Variants in VWA3B observed in about 807,000 individuals in gnomAD.
VWA3B encodes the protein von Willebrand factor A domain containing 3B.
A neutral mutation model predicts 158.3 loss-of-function variants in VWA3B; 138 were observed. The ratio of observed to expected loss-of-function variants is 0.87; its 90% CI spans 0.76 to 1.00. The LOEUF is 1.00. VWA3B is among the 50% of genes least tolerant of loss of function. VWA3B has a pLI of 0.00. For synonymous variants in VWA3B, 596 were observed against 587.3 expected (o/e 1.01, Z -0.21); for missense variants, 1,555 against 1,565.1 (o/e 0.99, Z 0.11).
chr2:98,309,948 C>G (rs1226174170), intron 26 of VWA3B, among the ~76,000 whole-genome samples: 1 of 152,144 alleles, frequency 6.6e-6, no homozygotes, highest in East Asian at 1.9e-4. Context: ...TAGAAGGACA[C>G]GTGCCGTTGC....
intron 10 of VWA3B, 93 bp from the exon 11 acceptor site, chr2:98,192,805 C>T (rs1394978391): frequency 1.9e-6 from 3 of 1,546,084 alleles, no homozygotes; most frequent in Non-Finnish European, 1.8e-6. Context: ...TAGCGCAGCT[C>T]TGTCCTCTGC....
chr2:98,261,494 G>A (rs554585743), intron 21 of VWA3B, among the ~76,000 whole-genome samples: 1 of 151,830 alleles, frequency 6.6e-6, no homozygotes, highest in South Asian at 2.1e-4. Context: ...ATCTTTACTA[G>A]TACTATTTAT....
chr2:98,236,887 T>C, intron 19 of VWA3B, 157 bp downstream of exon 19: 1 of 1,142,000 alleles, frequency 8.8e-7, no homozygotes, highest in Non-Finnish European at 1.2e-6. Flanking sequence ...GAGAGAGGCT[T>C]TTAAGAATTT....
intron 16 of VWA3B, among the ~76,000 whole-genome samples, chr2:98,230,570 G>C (rs1032536265): frequency 6.6e-6 from 1 of 152,014 alleles, no homozygotes; most frequent in Admixed American, 6.6e-5. Context: ...GTTTGATCAC[G>C]TGTATAGGTT....
chr2:98,134,287 T>C (rs1382743193), intron 7 of VWA3B, among the ~76,000 whole-genome samples: 1 of 152,034 alleles, frequency 6.6e-6, no homozygotes, highest in African/African-American at 2.4e-5. Context: ...GTGCCTGCGG[T>C]TCTTGAGGGG....
intron 7 of VWA3B, among the ~76,000 whole-genome samples, chr2:98,153,038 C>T (rs1677761842): frequency 6.6e-6 from 1 of 152,226 alleles, no homozygotes; most frequent in Admixed American, 6.5e-5. Context: ...CACCCTTTCA[C>T]TTCTAGGCCT....
At chr2:98,117,560 G>T (rs568321507) in intron 3 of VWA3B, among the ~76,000 whole-genome samples, 12 of 152,198 alleles carry the variant, frequency 7.9e-5, no homozygotes, top group African/African-American at 2.9e-4. Flanking sequence ...GGCAGCAGGG[G>T]GGCCATGGGT....
intron 21 of VWA3B, among the ~76,000 whole-genome samples, chr2:98,261,014 C>T (rs1687446467): frequency 6.6e-6 from 1 of 151,762 alleles, no homozygotes; most frequent in Non-Finnish European, 1.5e-5. Context: ...TGAGTTTAAT[C>T]TCTGACATTT....
chr2:98,181,974 A>G (rs1680624105), intron 9 of VWA3B, among the ~76,000 whole-genome samples: 3 of 152,260 alleles, frequency 2.0e-5, no homozygotes, highest in Non-Finnish European at 2.9e-5. Context: ...AGAAGCATGG[A>G]AAGACTAAGA....
chr2:98,210,937 C>T (rs573830663), intron 12 of VWA3B, among the ~76,000 whole-genome samples: 6 of 152,162 alleles, frequency 3.9e-5, no homozygotes, highest in South Asian at 2.1e-4. Context: ...AGATGCACAC[C>T]GATGCAGCTC....
chr2:98,287,416 T>C (rs1364377411), intron 22 of VWA3B, among the ~76,000 whole-genome samples: 2 of 152,212 alleles, frequency 1.3e-5, no homozygotes, highest in East Asian at 3.8e-4. Context: ...ATTTTTCTAG[T>C]AATTCATTTT....
chr2:98,192,809 C>G, intron 10 of VWA3B, 89 bp from the exon 11 acceptor site: 2 of 1,559,886 alleles, frequency 1.3e-6, no homozygotes, highest in Non-Finnish European at 1.8e-6. Flanking sequence ...GCAGCTCTGT[C>G]CTCTGCAGAT....
intron 8 of VWA3B, among the ~76,000 whole-genome samples, chr2:98,175,299 A>G (rs1012045978): frequency 2.0e-4 from 31 of 152,252 alleles, no homozygotes; most frequent in African/African-American, 7.5e-4. Context: ...ACAGGAAACT[A>G]TGTCTAAAGA....
rs565839499 is a variant in VWA3B at position 98,136,276 on chromosome 2, C to G, written c.988+2337C>G. ...ACTATCTTAACCACTCTTAAGCTGA[C>G]AGTTCACTAGTGTTAAGTACATTCC... On this transcript the variant is annotated intron_variant, in intron 7 of 27. Coordinates refer to ENST00000477737, the MANE Select transcript of VWA3B (RefSeq NM_144992.5). Among the ~76,000 whole-genome samples the G allele has an allele frequency of 5.9e-5, 9 of 152,294 alleles. No homozygotes were observed. In the South Asian group the frequency reaches 1.9e-3, roughly 32 times the overall value.
rs764191304 is a variant in VWA3B at position 98,163,004 on chromosome 2, A to G, written c.1114+28A>G. The G allele has an allele frequency of 1.2e-5, 20 of 1,612,356 alleles. No homozygotes were observed. The South Asian group carries it at 1.4e-4, about 12-fold the overall frequency. On this transcript the variant is annotated intron_variant, in intron 8 of 27. Coordinates refer to ENST00000477737, the MANE Select transcript of VWA3B (RefSeq NM_144992.5). ...TGGTGCTATTTCTGGTCACTGGTGT[A>G]AAAGATTCATAAATGTTACTAGCTG...
chr2:98,110,893 A>T (rs902024893), intron 2 of VWA3B, among the ~76,000 whole-genome samples: 2 of 152,156 alleles, frequency 1.3e-5, no homozygotes, highest in Non-Finnish European at 2.9e-5. Flanking sequence ...ACAAGATCTG[A>T]TGGTTTTAAG....
chr2:98,093,118 C>A lies in VWA3B; in HGVS notation c.26C>A (p.Thr9Asn). The change falls in exon 2 of 28, where the codon ACC (threonine) becomes AAC (asparagine). Residue 9 changes from threonine to asparagine, a missense_variant. Transcript: ENST00000477737. Reference protein sequence around the residue: MEKSGPSSTISEQQLQRQE... With the variant: MEKSGPSSNISEQQLQRQE... ...ATGGAGAAATCAGGCCCATCTTCTA[C>A]CATCTCTGAGCAGCAGCTGCAGAGG... 3.7e-6 allele frequency: 6 copies of A among 1,613,824 alleles called. No individual in the cohort carries two copies. Among genetic ancestry groups the A allele is most frequent in the Non-Finnish European group, 5.1e-6 (6 of 1,179,866 alleles).
At chr2:98,212,069 C>T (rs1273017383) in intron 13 of VWA3B, 41 bp downstream of exon 13, 2 of 1,573,626 alleles carry the variant, frequency 1.3e-6, no homozygotes, top group Non-Finnish European at 1.7e-6. Context: ...CTCACTGATG[C>T]TCTGAAAGCA....
At chr2:98,256,329 C>A (rs2105825232) in intron 21 of VWA3B, among the ~76,000 whole-genome samples, 155 bp downstream of exon 21, 1 of 152,062 alleles carries the variant, frequency 6.6e-6, no homozygotes. Flanking sequence ...TTTTTCATTA[C>A]CCCAGAAAAT....
Sources: gnomAD v4.1 joint callset for allele counts (sites outside exome capture counted in the v4.1 genomes callset) on GRCh38, gnomAD v4.1.1 for gene constraint, MANE v1.5 for transcripts, NCBI Gene and HGNC (gene_info 2026-07-23, HGNC 2026-07-21) for gene names.